The following SUGCT variants were observed in gnomAD, a reference collection of about 807,000 sequenced individuals.
SUGCT encodes succinyl-CoA:glutarate-CoA transferase.
In SUGCT, 41 loss-of-function variants were observed where a neutral mutation model predicts 55.0. The ratio of observed to expected loss-of-function variants is 0.74; its 90% CI spans 0.58 to 0.97. The LOEUF (loss-of-function observed/expected upper bound fraction) is 0.97, where lower values mean the gene tolerates loss of function less well. Among genes scored for constraint, SUGCT ranks in the 50% least tolerant of loss-of-function variants. The pLI is 0.00. For missense variants in SUGCT, 568 were observed against 547.8 expected (o/e 1.04, Z -0.37); for synonymous variants, 187 against 200.4 (o/e 0.93, Z 0.56).
intron 12 of SUGCT, among the ~76,000 whole-genome samples, chr7:40,727,029 C>A (rs1187323317): frequency 6.6e-6 from 1 of 152,194 alleles, no homozygotes; most frequent in African/African-American, 2.4e-5. Flanking sequence ...GTGAGGCCCC[C>A]ATGGGCTGTC....
chr7:40,878,546 C>T, the SUGCT span, among the ~76,000 whole-genome samples: 2 of 152,194 alleles, frequency 1.3e-5, no homozygotes, highest in Non-Finnish European at 1.5e-5. Flanking sequence ...CCAGTACCCA[C>T]ATTAGCTGCT....
the SUGCT span, among the ~76,000 whole-genome samples, chr7:40,898,772 A>C: frequency 1.3e-5 from 2 of 152,058 alleles, no homozygotes; most frequent in Non-Finnish European, 2.9e-5. Context: ...AAAGCCTACC[A>C]ATTCTGGACA....
chr7:40,254,289 A>T (rs561706126), intron 7 of SUGCT, among the ~76,000 whole-genome samples: 1 of 151,286 alleles, frequency 6.6e-6, no homozygotes, highest in South Asian at 2.1e-4. Context: ...TTTTGGGGGA[A>T]AGGGACTCCC....
At chr7:40,504,379 G>T (rs1166698353) in intron 12 of SUGCT, among the ~76,000 whole-genome samples, 3 of 151,960 alleles carry the variant, frequency 2.0e-5, no homozygotes, top group African/African-American at 4.8e-5. Flanking sequence ...TCTGGCCTCT[G>T]CCTGTGCTCC....
the SUGCT span, among the ~76,000 whole-genome samples, chr7:40,950,756 C>T: frequency 2.6e-5 from 4 of 152,056 alleles, no homozygotes; most frequent in South Asian, 2.1e-4. Flanking sequence ...TGCTGGATTA[C>T]GTTTATTGAT....
intron 9 of SUGCT, among the ~76,000 whole-genome samples, chr7:40,442,946 A>C (rs186896788): frequency 2.6e-3 from 392 of 152,118 alleles, no homozygotes; most frequent in Middle Eastern, 0.017. Flanking sequence ...TTGTTCAATT[A>C]CCACCTATGA....
intron 12 of SUGCT, chr7:40,539,743 G>A (rs966441656): frequency 6.6e-6 from 1 of 152,078 alleles, no homozygotes; most frequent in African/African-American, 2.4e-5. Context: ...AAAAAATTTT[G>A]CCAACATCAT....
intron 12 of SUGCT, among the ~76,000 whole-genome samples, chr7:40,708,382 G>A (rs1785531445): frequency 6.6e-6 from 1 of 152,164 alleles, no homozygotes; most frequent in African/African-American, 2.4e-5. Context: ...GCTCTTAGTG[G>A]ATGAAGGAAG....
intron 11 of SUGCT, among the ~76,000 whole-genome samples, chr7:40,490,088 C>G (rs1364541918): frequency 6.6e-6 from 1 of 152,192 alleles, no homozygotes; most frequent in Non-Finnish European, 1.5e-5. Context: ...GGCTTGAGTT[C>G]CTTGACTTAT....
In SUGCT at chr7:40,283,770, T is replaced by C. The variant is rs533025526; in HGVS notation, c.720+9114T>C. Among the ~76,000 whole-genome samples, 20 of 152,254 alleles carry C rather than the reference T, an allele frequency of 1.3e-4. No homozygotes were observed. The South Asian group carries it at 3.9e-3, about 30-fold the overall frequency. Reference sequence around the variant, plus strand: ...TTATGGAAAACAGTATGGGGGTTCCTCAAAAGAATTAAAAGTAGAACTACC... The same window carrying C: ...TTATGGAAAACAGTATGGGGGTTCCCCAAAAGAATTAAAAGTAGAACTACC... On this transcript the variant is annotated intron_variant, in intron 8 of 13. Transcript: ENST00000335693.
intron 1 of SUGCT, among the ~76,000 whole-genome samples, chr7:40,179,248 G>T (rs1265858755): frequency 1.3e-5 from 2 of 151,328 alleles, no homozygotes; most frequent in Non-Finnish European, 2.9e-5. Flanking sequence ...GTTAAAACAA[G>T]ACTTTATTTT....
chr7:40,321,408 A>G (rs1341357506), intron 9 of SUGCT, among the ~76,000 whole-genome samples: 1 of 148,860 alleles, frequency 6.7e-6, no homozygotes, highest in Non-Finnish European at 1.5e-5. Context: ...ATTTTGACAG[A>G]GTCTTGCTCT....
intron 12 of SUGCT, among the ~76,000 whole-genome samples, chr7:40,520,275 GAAAAGC>G (rs1793460619): frequency 6.6e-6 from 1 of 152,086 alleles, no homozygotes; most frequent in Non-Finnish European, 1.5e-5. Context: ...AATATTATTA[GAAAAGC>G]TAAAGATGGG....
intron 13 of SUGCT, among the ~76,000 whole-genome samples, chr7:40,763,218 G>A (rs1017229705): frequency 1.3e-5 from 2 of 152,112 alleles, no homozygotes; most frequent in East Asian, 3.9e-4. Flanking sequence ...GATAACACTC[G>A]CTAACACTTA....
At chr7:40,544,659 G>T (rs1794895216) in intron 12 of SUGCT, among the ~76,000 whole-genome samples, 1 of 152,192 alleles carries the variant, frequency 6.6e-6, no homozygotes, top group Non-Finnish European at 1.5e-5. Flanking sequence ...TGGGGCTGTT[G>T]TAGACTTTGG....
the SUGCT span, among the ~76,000 whole-genome samples, chr7:40,923,059 G>A: frequency 6.6e-6 from 1 of 152,308 alleles, no homozygotes; most frequent in South Asian, 2.1e-4. Flanking sequence ...ATCAAGGCCA[G>A]CGCTTTCAAG....
At chr7:40,917,246 G>A in the SUGCT span, among the ~76,000 whole-genome samples, 1 of 152,196 alleles carries the variant, frequency 6.6e-6, no homozygotes, top group Non-Finnish European at 1.5e-5. Context: ...ATTATAAAAT[G>A]ACCTTACAAT....
At chr7:40,514,851 A>T (rs760223515) in intron 12 of SUGCT, among the ~76,000 whole-genome samples, 1 of 152,172 alleles carries the variant, frequency 6.6e-6, no homozygotes, top group Non-Finnish European at 1.5e-5. Flanking sequence ...CAAATTAATA[A>T]TCAGGATATT....
At chr7:40,662,900 G>T (rs1396241124) in intron 12 of SUGCT, among the ~76,000 whole-genome samples, 1 of 152,130 alleles carries the variant, frequency 6.6e-6, no homozygotes, top group Non-Finnish European at 1.5e-5. Flanking sequence ...GATATGTCTA[G>T]TGCCAGGAAC....
Sources: gnomAD v4.1 joint callset for allele counts (sites outside exome capture counted in the v4.1 genomes callset) on GRCh38, gnomAD v4.1.1 for gene constraint, MANE v1.5 for transcripts, NCBI Gene and HGNC (gene_info 2026-07-23, HGNC 2026-07-21) for gene names.